MTRF1: variants seen among roughly 807,000 people sequenced by gnomAD.
MTRF1 encodes peptide chain release factor 1, mitochondrial.
MTRF1 carries 51 observed loss-of-function variants against 62.9 expected under a neutral mutation model. The ratio of observed to expected loss-of-function variants is 0.81; its 90% CI spans 0.65 to 1.02. The LOEUF is 1.02. Among genes scored for constraint, MTRF1 ranks in the 50% least tolerant of loss-of-function variants. MTRF1 has a pLI of 0.00. For missense variants in MTRF1, 446 were observed against 530.0 expected (o/e 0.84, Z 1.56); for synonymous variants, 158 against 181.9 (o/e 0.87, Z 1.06).
In MTRF1 at chr13:41,260,508, C is replaced by A; in HGVS notation, c.400G>T (p.Glu134Ter). ...QETEQAIEELESMCKSLNKQD... is the reference protein window; with the variant it reads ...QETEQAIEEL ...TTTTACCTACTTTTACACATTGATT[C>A]TAATTCTTCAATTGCTTGTTCAGTC... Residue 134 changes from glutamate to a stop codon, truncating the protein, a stop_gained, in exon 2 of 10, where the codon GAA becomes TAA. Transcript: ENST00000379480. LOFTEE classifies it high-confidence loss of function. 1 of 1,612,538 alleles carries A rather than the reference C, an allele frequency of 6.2e-7. No homozygotes were observed. Among genetic ancestry groups the A allele is most frequent in the South Asian group, 1.1e-5 (1 of 90,992 alleles).
At chr13:41,268,539 C>G (rs1008492723), upstream of MTRF1, among the ~76,000 whole-genome samples, 5 of 151,622 alleles carry the variant, frequency 3.3e-5, no homozygotes, top group Non-Finnish European at 4.4e-5. Context: ...GAGCAAGACT[C>G]TGTCTCAAAA....
At chr13:41,306,932 A>G in the MTRF1 span, among the ~76,000 whole-genome samples, 1 of 152,240 alleles carries the variant, frequency 6.6e-6, no homozygotes, top group South Asian at 2.1e-4. Flanking sequence ...GAAACACATT[A>G]TCATGTTATT....
chr13:41,222,733 A>G (rs544939073), intron 9 of MTRF1, among the ~76,000 whole-genome samples: 10 of 152,360 alleles, frequency 6.6e-5, no homozygotes, highest in African/African-American at 2.4e-4. Flanking sequence ...TCAGTCCTAC[A>G]ATCGAAGGCA....
rs576166598 is a variant in MTRF1, at chr13:41,252,633, C to T, written c.697+12G>A. ...CAGTATCTCCTACAGGCAAATTCCTCAATATGCCTACCATAATCTGCTGGT... is the reference window on the plus strand; with the variant it reads ...CAGTATCTCCTACAGGCAAATTCCTTAATATGCCTACCATAATCTGCTGGT... On this transcript the variant is annotated intron_variant, in intron 5 of 9. Coordinates refer to ENST00000379480, the MANE Select transcript of MTRF1 (RefSeq NM_004294.4). 1.3e-6 allele frequency: 2 copies of T among 1,587,306 alleles called. No homozygotes were observed. Among genetic ancestry groups the T allele is most frequent in the Admixed American group, 1.7e-5 (1 of 59,506 alleles).
chr13:41,267,387 T>C (rs1044731962), upstream of MTRF1, among the ~76,000 whole-genome samples: 1 of 152,106 alleles, frequency 6.6e-6, no homozygotes, highest in African/African-American at 2.4e-5. Context: ...CTTATGGGAG[T>C]CTCTTAAAAG....
At chr13:41,310,052 A>G in the MTRF1 span, among the ~76,000 whole-genome samples, 1 of 152,232 alleles carries the variant, frequency 6.6e-6, no homozygotes, top group Non-Finnish European at 1.5e-5. Context: ...GACTAAATGC[A>G]GTTACTCATC....
rs1230411340 is a variant in MTRF1, at chr13:41,252,984, A to G, written c.554T>C (p.Val185Ala). The G allele has an allele frequency of 6.2e-6, 10 of 1,608,208 alleles. No individual in the cohort carries two copies. The Admixed American group carries it at 1.0e-4, about 16-fold the overall frequency. Reference protein sequence around the residue: ...VPKEKYDKNDVILEVTAGRTT... With the variant: ...VPKEKYDKNDAILEVTAGRTT... ...CCTTCCAGCTGTCACCTCTAAAATA[A>G]CATCATTTTTGTCATATTTCTCCTT... Residue 185 changes from valine to alanine, a missense_variant, in exon 4 of 10, where the codon GTT becomes GCT. Physicochemically the swap from Val to Ala is moderately conservative, Grantham distance 64. Transcript: ENST00000379480.
chr13:41,256,663 G>T (rs1282331271), intron 2 of MTRF1, among the ~76,000 whole-genome samples: 1 of 152,084 alleles, frequency 6.6e-6, no homozygotes, highest in Non-Finnish European at 1.5e-5. Context: ...ACCACATTGT[G>T]CACATATGCC....
chr13:41,291,127 A>T, the MTRF1 span, among the ~76,000 whole-genome samples: 2 of 151,832 alleles, frequency 1.3e-5, no homozygotes, highest in Non-Finnish European at 2.9e-5. Context: ...AGAAATTTTG[A>T]AAAAAGTTGC....
At chr13:41,248,320 C>G (rs553909885) in intron 5 of MTRF1, among the ~76,000 whole-genome samples, 1 of 152,320 alleles carries the variant, frequency 6.6e-6, no homozygotes, top group East Asian at 1.9e-4. Context: ...CGGGGTTTTG[C>G]CATGTTGGCC....
the MTRF1 span, among the ~76,000 whole-genome samples, chr13:41,286,106 A>AAAAAAAAAAAT: frequency 6.8e-6 from 1 of 147,564 alleles, no homozygotes; most frequent in Non-Finnish European, 1.5e-5. Context: ...AAAAAAAAAA[A>AAAAAAAAAAAT]GGGAAAACTG....
the MTRF1 span, among the ~76,000 whole-genome samples, chr13:41,286,684 A>AC: frequency 6.6e-6 from 1 of 152,228 alleles, no homozygotes; most frequent in South Asian, 2.1e-4. Context: ...CCACTCCAGT[A>AC]CACCCACAAC....
the MTRF1 span, among the ~76,000 whole-genome samples, chr13:41,277,087 C>A: frequency 6.6e-6 from 1 of 152,008 alleles, no homozygotes; most frequent in Admixed American, 6.6e-5. Flanking sequence ...TGAGTAATAA[C>A]TCTGTCTCTC....
the MTRF1 span, among the ~76,000 whole-genome samples, chr13:41,309,552 T>G: frequency 6.6e-6 from 1 of 152,180 alleles, no homozygotes; most frequent in African/African-American, 2.4e-5. Context: ...GCAATGGGAT[T>G]GCTGTGGACC....
intron 2 of MTRF1, chr13:41,257,556 C>T (rs764133934): frequency 5.8e-6 from 1 of 172,372 alleles, no homozygotes; most frequent in Non-Finnish European, 1.3e-5. Context: ...CAAATTTAAC[C>T]TTTCAATGTC....
chr13:41,235,606 T>G (rs1422990943), intron 6 of MTRF1: 1 of 152,282 alleles, frequency 6.6e-6, no homozygotes, highest in African/African-American at 2.4e-5. Flanking sequence ...GAGAAGACCA[T>G]GTGAATTTGA....
the MTRF1 span, among the ~76,000 whole-genome samples, chr13:41,280,829 A>C: frequency 6.6e-6 from 1 of 152,188 alleles, no homozygotes; most frequent in Non-Finnish European, 1.5e-5. Flanking sequence ...ACCCATCTCC[A>C]TCAGGTCCCT....
chr13:41,263,743 G>A (rs971957811), upstream of MTRF1, among the ~76,000 whole-genome samples: 2 of 142,284 alleles, frequency 1.4e-5, no homozygotes, highest in African/African-American at 5.1e-5. Flanking sequence ...ATTGTCATCA[G>A]ACAACCGCCC....
At chr13:41,219,014 G>C (rs2032576181) in intron 9 of MTRF1, among the ~76,000 whole-genome samples, 2 of 152,240 alleles carry the variant, frequency 1.3e-5, no homozygotes, top group Admixed American at 1.3e-4. Context: ...GACTAGGCCA[G>C]GAGCAGTGGC....
Sources: gnomAD v4.1 joint callset for allele counts (sites outside exome capture counted in the v4.1 genomes callset) on GRCh38, gnomAD v4.1.1 for gene constraint, MANE v1.5 for transcripts, NCBI Gene and HGNC (gene_info 2026-07-23, HGNC 2026-07-21) for gene names.